The following ASCC1 variants were observed in gnomAD, a reference collection of about 807,000 sequenced individuals.
The protein encoded by ASCC1 is activating signal cointegrator 1 complex subunit 1, also known as ASC-1 complex subunit P50.
A neutral mutation model predicts 46.6 loss-of-function variants in ASCC1; 35 were observed. The observed-to-expected ratio is 0.75, with a 90% CI of 0.57 to 0.99. The LOEUF is 0.99. ASCC1 is among the 50% of genes least tolerant of loss of function. The pLI is 0.00. For missense variants in ASCC1, 376 were observed against 428.7 expected (o/e 0.88, Z 1.09); for synonymous variants, 143 against 146.6 (o/e 0.98, Z 0.18).
chr10:72,189,874 C>A, intron 5 of ASCC1: 1 of 509,866 alleles, frequency 2.0e-6, no homozygotes. Context: ...GCTTTTATTT[C>A]TGTCTTCACT....
chr10:72,156,588 C>G (rs567964828), intron 6 of ASCC1, among the ~76,000 whole-genome samples: 3 of 151,776 alleles, frequency 2.0e-5, no homozygotes, highest in African/African-American at 7.3e-5. Flanking sequence ...TGCTGAAAGA[C>G]GGTGAAACCC....
At chr10:72,180,028 G>A (rs532028809) in intron 5 of ASCC1, among the ~76,000 whole-genome samples, 1 of 152,256 alleles carries the variant, frequency 6.6e-6, no homozygotes, top group South Asian at 2.1e-4. Context: ...TGTAATCTCG[G>A]CATTTTAGGA....
At chr10:72,197,101 T>C in intron 4 of ASCC1, 112 bp from the exon 5 acceptor site, 1 of 940,086 alleles carries the variant, frequency 1.1e-6, no homozygotes, top group East Asian at 2.5e-5. Flanking sequence ...AATGCGTATA[T>C]GAATCTAAAC....
chr10:72,167,071 A>C (rs545933394), intron 5 of ASCC1, among the ~76,000 whole-genome samples: 2 of 152,102 alleles, frequency 1.3e-5, no homozygotes, highest in South Asian at 2.1e-4. Context: ...AAATTCATAC[A>C]AAAAAAATAC....
At chr10:72,157,010 T>A (rs182689214) in intron 6 of ASCC1, among the ~76,000 whole-genome samples, 31 of 152,304 alleles carry the variant, frequency 2.0e-4, no homozygotes, top group Non-Finnish European at 1.8e-4. Flanking sequence ...TCTTTCCATG[T>A]TGCCCAGGGT....
chr10:72,165,011 A>G (rs568927291), intron 5 of ASCC1, among the ~76,000 whole-genome samples: 3 of 152,298 alleles, frequency 2.0e-5, no homozygotes, highest in Admixed American at 6.5e-5. Context: ...TAAATTATTG[A>G]TAGTATACCC....
intron 4 of ASCC1, among the ~76,000 whole-genome samples, chr10:72,203,189 G>A (rs1856732965): frequency 6.6e-6 from 1 of 151,838 alleles, no homozygotes; most frequent in Admixed American, 6.6e-5. Flanking sequence ...GGGAGGTTGA[G>A]GCAGGAGAAT....
chr10:72,191,652 T>A (rs1010500898), intron 5 of ASCC1, among the ~76,000 whole-genome samples: 1 of 151,726 alleles, frequency 6.6e-6, no homozygotes, highest in Admixed American at 6.6e-5. Context: ...GGAAAAAAAA[T>A]TTTCTTTTTT....
At chr10:72,197,666 G>A (rs1344882165) in intron 4 of ASCC1, among the ~76,000 whole-genome samples, 1 of 151,908 alleles carries the variant, frequency 6.6e-6, no homozygotes, top group African/African-American at 2.4e-5. Flanking sequence ...AACACTTTGG[G>A]AGGCTGAGGT....
At chr10:72,104,800 T>C (rs867711414) in intron 9 of ASCC1, among the ~76,000 whole-genome samples, 58 of 152,234 alleles carry the variant, frequency 3.8e-4, no homozygotes, top group African/African-American at 1.3e-3. Context: ...GGAAATAGGA[T>C]TAAAACTGCC....
At chr10:72,114,062 C>T (rs1179875472) in intron 9 of ASCC1, among the ~76,000 whole-genome samples, 2 of 152,134 alleles carry the variant, frequency 1.3e-5, no homozygotes, top group Non-Finnish European at 2.9e-5. Flanking sequence ...AATGAAGCTG[C>T]CTTCAAACAA....
intron 9 of ASCC1, among the ~76,000 whole-genome samples, chr10:72,115,702 A>G (rs539071186): frequency 6.6e-6 from 1 of 152,328 alleles, no homozygotes; most frequent in African/African-American, 2.4e-5. Flanking sequence ...GACTTTTTAC[A>G]GTGTTGTTTT....
intron 9 of ASCC1, among the ~76,000 whole-genome samples, chr10:72,121,109 C>T (rs537564174): frequency 1.3e-5 from 2 of 152,024 alleles, no homozygotes; most frequent in South Asian, 4.2e-4. Flanking sequence ...AATAAAGCAG[C>T]CAAACAATAT....
intron 5 of ASCC1, among the ~76,000 whole-genome samples, chr10:72,186,572 C>T (rs1291704042): frequency 6.6e-5 from 10 of 152,144 alleles, no homozygotes; most frequent in Admixed American, 6.6e-4. Flanking sequence ...GTAATAAATG[C>T]AGAGTACTAC....
intron 5 of ASCC1, among the ~76,000 whole-genome samples, chr10:72,165,176 G>A (rs559174423): frequency 6.6e-6 from 1 of 152,126 alleles, no homozygotes; most frequent in South Asian, 2.1e-4. Context: ...GTACGATGGT[G>A]CAATCTTGGC....
rs34682603 is a variant in ASCC1, at chr10:72,124,723, C to CTTT, written c.957+3356_957+3358dup. ...CTGCCTATGGCTAAACAAACAACAT[C>CTTT]TTTTTTTTTTTTTTTTTTTTTGCTA... On this transcript the variant is annotated intron_variant, in intron 9 of 9. Coordinates refer to ENST00000672957, the MANE Select transcript of ASCC1 (RefSeq NM_001198800.3). Among the ~76,000 whole-genome samples, 124 of 118,580 alleles carry CTTT rather than the reference C, an allele frequency of 1.0e-3. 2 individuals carry two copies. Among genetic ancestry groups the CTTT allele is most frequent in the African/African-American group, 1.7e-3 (50 of 28,768 alleles). The allele number at this position is 118,580 out of a possible 152,430, so 77.8% of individuals were successfully genotyped here. A position where few individuals can be genotyped will look rare whatever the true frequency, so the allele number is the denominator to read the frequency against.
chr10:72,186,222 G>T (rs1377494463), intron 5 of ASCC1, among the ~76,000 whole-genome samples: 1 of 151,640 alleles, frequency 6.6e-6, no homozygotes, highest in African/African-American at 2.4e-5. Context: ...TGAACTCCTG[G>T]GCTTAAGCTA....
chr10:72,098,636 T>C (rs925867956), intron 9 of ASCC1, among the ~76,000 whole-genome samples: 13 of 152,386 alleles, frequency 8.5e-5, no homozygotes, highest in African/African-American at 1.2e-4. Flanking sequence ...ACATGGACCT[T>C]GGCCACCATT....
At chr10:72,125,944 A>G (rs1317345986) in intron 9 of ASCC1, among the ~76,000 whole-genome samples, 1 of 152,176 alleles carries the variant, frequency 6.6e-6, no homozygotes, top group African/African-American at 2.4e-5. Context: ...TATAGTCAAT[A>G]AGTATTTCTG....
Sources: gnomAD v4.1 joint callset for allele counts (sites outside exome capture counted in the v4.1 genomes callset) on GRCh38, gnomAD v4.1.1 for gene constraint, MANE v1.5 for transcripts, NCBI Gene and HGNC (gene_info 2026-07-23, HGNC 2026-07-21) for gene names.